The following CCDC102B variants were observed in gnomAD, a reference collection of about 807,000 sequenced individuals.
CCDC102B encodes the protein coiled-coil domain containing 102B, also known as coiled-coil domain-containing protein 102B.
A neutral mutation model predicts 57.4 loss-of-function variants in CCDC102B; 75 were observed. The ratio of observed to expected loss-of-function variants is 1.31; its 90% CI spans 1.08 to 1.58. The LOEUF (loss-of-function observed/expected upper bound fraction) is 1.58. Ranked by LOEUF, CCDC102B falls within the 40% of genes most tolerant of loss-of-function variation. The probability of loss-of-function intolerance (pLI) is 0.00; values close to 1 mark genes in which losing one functional copy is unlikely to be tolerated. For synonymous variants in CCDC102B, 206 were observed against 201.9 expected, an observed-to-expected ratio of 1.02 and a Z score of -0.17; for missense variants, 636 against 582.6, an observed-to-expected ratio of 1.09 and a Z score of -0.94.
intron 7 of CCDC102B, among the ~76,000 whole-genome samples, chr18:69,024,774 G>T (rs2051939299): frequency 6.6e-6 from 1 of 151,968 alleles, no homozygotes; most frequent in Non-Finnish European, 1.5e-5. Flanking sequence ...GGAATGTAAT[G>T]CATGTTCTCT....
At chr18:68,827,485 T>C (rs1159096924) in intron 1 of CCDC102B, among the ~76,000 whole-genome samples, 1 of 151,688 alleles carries the variant, frequency 6.6e-6, no homozygotes, top group Non-Finnish European at 1.5e-5. Context: ...ATGAAAACTG[T>C]ACAAAGTGAT....
At chr18:68,976,408 C>G (rs1335424042) in intron 6 of CCDC102B, among the ~76,000 whole-genome samples, 1 of 151,670 alleles carries the variant, frequency 6.6e-6, no homozygotes, top group Non-Finnish European at 1.5e-5. Flanking sequence ...TTTTAAAAAC[C>G]AGTAAATTTT....
chr18:68,797,011 G>A (rs1310139251), upstream of CCDC102B, among the ~76,000 whole-genome samples: 2 of 152,042 alleles, frequency 1.3e-5, no homozygotes, highest in Non-Finnish European at 2.9e-5. Context: ...AAGTTCATTG[G>A]CATACATGAA....
At chr18:68,903,088 AAG>A (rs2040508525) in intron 6 of CCDC102B, among the ~76,000 whole-genome samples, 1 of 152,172 alleles carries the variant, frequency 6.6e-6, no homozygotes, top group African/African-American at 2.4e-5. Context: ...TAGATGCGTG[AAG>A]AGAGGGAAGC....
chr18:68,759,036 C>CA (rs2034161321), intron 2 of CCDC102B, among the ~76,000 whole-genome samples: 1 of 145,962 alleles, frequency 6.9e-6, no homozygotes, highest in Non-Finnish European at 1.5e-5. Context: ...AACAAACAAA[C>CA]AAAAAAACAA....
At chr18:68,875,553 A>G (rs1389784971) in intron 5 of CCDC102B, among the ~76,000 whole-genome samples, 2 of 152,156 alleles carry the variant, frequency 1.3e-5, no homozygotes, top group Non-Finnish European at 2.9e-5. Context: ...GATTTGTATT[A>G]GGTTTTCTTC....
At chr18:68,765,410 A>T (rs957817949) in intron 2 of CCDC102B, among the ~76,000 whole-genome samples, 18 of 151,204 alleles carry the variant, frequency 1.2e-4, no homozygotes, top group Admixed American at 1.2e-3. Flanking sequence ...GAAGGAAGGA[A>T]GGAAAGAGAA....
At chr18:68,725,300 T>A (rs2032542933) in intron 2 of CCDC102B, among the ~76,000 whole-genome samples, 1 of 152,230 alleles carries the variant, frequency 6.6e-6, no homozygotes, top group African/African-American at 2.4e-5. Flanking sequence ...TATATTAATT[T>A]TCTATTGCTG....
intron 2 of CCDC102B, among the ~76,000 whole-genome samples, chr18:68,775,160 A>G (rs370695247): frequency 6.6e-6 from 1 of 151,660 alleles, no homozygotes; most frequent in East Asian, 1.9e-4. Context: ...CACTTCTAAT[A>G]TTGACAGATA....
At chr18:69,040,194 G>A (rs377232337) in intron 7 of CCDC102B, among the ~76,000 whole-genome samples, 41 of 151,930 alleles carry the variant, frequency 2.7e-4, no homozygotes, top group Non-Finnish European at 5.0e-4. Context: ...CTAATTTTAT[G>A]ATCATTCATC....
intron 6 of CCDC102B, among the ~76,000 whole-genome samples, chr18:68,975,231 C>G (rs17818562): frequency 0.054 from 8,247 of 152,042 alleles, 308 homozygotes; most frequent in Middle Eastern, 0.1. Context: ...ATTTTCCATG[C>G]CCTTTTTTGC....
chr18:68,845,655 C>T (rs768904456), intron 3 of CCDC102B, among the ~76,000 whole-genome samples: 13 of 151,756 alleles, frequency 8.6e-5, no homozygotes, highest in Non-Finnish European at 1.8e-4. Context: ...ATCAATGACT[C>T]AGACATTGTG....
In CCDC102B at chr18:68,739,862, C is replaced by T. The variant is rs114970122; in HGVS notation, c.-67+23268C>T. ...GGCCCAGGTAGTAGGATTGCTGCTA[C>T]ACAGCCTGGAACAGCTGCAGAGCTT... On this transcript the variant is annotated intron_variant, in intron 2 of 3. Coordinates refer to the CCDC102B transcript ENST00000578970. 9.3e-3 allele frequency among the ~76,000 whole-genome samples: 1,413 copies of T among 152,260 alleles called. 22 individuals are homozygous for T. The highest frequency in any genetic ancestry group is 0.033 in the African/African-American group (1,353 of 41,544).
intron 2 of CCDC102B, among the ~76,000 whole-genome samples, chr18:68,732,407 G>A (rs1444533871): frequency 1.3e-5 from 2 of 151,280 alleles, no homozygotes; most frequent in Non-Finnish European, 2.9e-5. Flanking sequence ...GTGCAGTGGC[G>A]TGATCTCAGC....
chr18:68,842,090 T>C lies in CCDC102B; in HGVS notation c.827+3164T>C, dbSNP rs17079753. Among the ~76,000 whole-genome samples the C allele has an allele frequency of 8.8e-3, 1,346 of 152,166 alleles. 26 individuals are homozygous for C. Among genetic ancestry groups the C allele is most frequent in the African/African-American group, 0.031 (1,276 of 41,544 alleles). On this transcript the variant is annotated intron_variant, in intron 3 of 7. Transcript: ENST00000360242. The stretch of plus-strand genomic sequence containing the variant: ...ATGTAAGAAAAGTAGCATGCTTCAT[T>C]AAATGTTCAATTTTTTTCTTAATGA...
chr18:68,932,851 C>G (rs559001260), intron 6 of CCDC102B, among the ~76,000 whole-genome samples: 3 of 151,970 alleles, frequency 2.0e-5, no homozygotes, highest in African/African-American at 7.2e-5. Flanking sequence ...ACGACTGATA[C>G]AGGAAGGCTT....
chr18:68,818,047 T>A (rs1428004292), intron 1 of CCDC102B, among the ~76,000 whole-genome samples: 1 of 152,218 alleles, frequency 6.6e-6, no homozygotes, highest in African/African-American at 2.4e-5. Flanking sequence ...GTATTTTAAG[T>A]CCATTCAAAA....
chr18:68,989,869 A>C (rs746624249), intron 6 of CCDC102B, among the ~76,000 whole-genome samples: 1 of 152,124 alleles, frequency 6.6e-6, no homozygotes, highest in Non-Finnish European at 1.5e-5. Context: ...CCGCTCCGCT[A>C]TCAGCTCCAA....
intron 6 of CCDC102B, among the ~76,000 whole-genome samples, chr18:68,935,690 G>A (rs2049215388): frequency 6.6e-6 from 1 of 151,900 alleles, no homozygotes; most frequent in African/African-American, 2.4e-5. Flanking sequence ...CAGGCCAGAA[G>A]ATTTTGCCTT....
Sources: allele counts gnomAD v4.1 joint callset (sites outside exome capture counted in the v4.1 genomes callset), GRCh38; gene constraint gnomAD v4.1.1; transcripts MANE v1.5; gene names NCBI Gene and HGNC (gene_info 2026-07-23, HGNC 2026-07-21).